Variants in CSMD1 observed in about 807,000 individuals in gnomAD.
CSMD1 encodes the protein CUB and sushi domain-containing protein 1.
In CSMD1, 213 loss-of-function variants were observed where a neutral mutation model predicts 417.5. The observed-to-expected ratio is 0.51, with a 90% CI of 0.46 to 0.57. The LOEUF is 0.57. Ranked by LOEUF, CSMD1 falls within the 20% of genes least tolerant of loss-of-function variation. The pLI, the probability that CSMD1 is intolerant of heterozygous loss-of-function variation, is 0.00. For missense variants in CSMD1, 6,923 were observed against 4,529.7 expected (o/e 1.53, Z -15.17); for synonymous variants, 2,862 against 1,736.8 (o/e 1.65, Z -16.11).
At position 4,766,695 on chromosome 8, in the gene CSMD1, C is replaced by T. The variant is rs115291882; in HGVS notation, c.86-129137G>A. ...TGGTGGCTCCTGAGGGAATGAACTC[C>T]GAACTCAGGCTTCCAAGTAAACAGA... On this transcript the variant is annotated intron_variant, in intron 1 of 69. Coordinates refer to ENST00000635120, the MANE Select transcript of CSMD1 (RefSeq NM_033225.6). Among the ~76,000 whole-genome samples the T allele has an allele frequency of 7.9e-3, 1,204 of 152,282 alleles. 12 individuals are homozygous for T. The highest frequency in any genetic ancestry group is 0.027 in the African/African-American group (1,126 of 41,568).
intron 11 of CSMD1, among the ~76,000 whole-genome samples, chr8:3,474,608 G>A (rs750305079): frequency 9.9e-5 from 15 of 152,084 alleles, no homozygotes; most frequent in Non-Finnish European, 2.1e-4. Flanking sequence ...TGCTTTTTGT[G>A]AGCAGAAATA....
At chr8:4,208,903 T>C (rs551135240) in intron 3 of CSMD1, among the ~76,000 whole-genome samples, 2 of 152,310 alleles carry the variant, frequency 1.3e-5, no homozygotes, top group Admixed American at 6.5e-5. Context: ...TAAATTTCTT[T>C]TTATATATGC....
chr8:3,957,701 G>A (rs1297521492), intron 5 of CSMD1, among the ~76,000 whole-genome samples: 2 of 118,992 alleles, frequency 1.7e-5, no homozygotes, highest in African/African-American at 5.6e-5. Context: ...AAAAAGAAGA[G>A]AAGAGGAAAA....
chr8:3,758,058 G>C (rs910926771), intron 5 of CSMD1, among the ~76,000 whole-genome samples: 2 of 152,096 alleles, frequency 1.3e-5, no homozygotes, highest in African/African-American at 2.4e-5. Flanking sequence ...CTGCCTCCCA[G>C]GTTCAAGTGA....
In CSMD1 at chr8:3,407,984, C is replaced by G. The variant is rs559348370; in HGVS notation, c.1986G>C (p.Gln662His). The G allele has an allele frequency of 9.9e-6, 16 of 1,613,908 alleles. No individual in the cohort carries two copies. Among genetic ancestry groups the G allele is most frequent in the East Asian group, 2.2e-5 (1 of 44,870 alleles). ...GAACTATATGCCCACTGCTGGCCAGCTGGGAAGGCACTTCATTGCCAGAAA... is the reference window on the plus strand; with the variant it reads ...GAACTATATGCCCACTGCTGGCCAGGTGGGAAGGCACTTCATTGCCAGAAA... ...GTFSGNEVPSQLASSGHIVRL... is the reference protein window; with the variant it reads ...GTFSGNEVPSHLASSGHIVRL... Residue 662 changes from glutamine (Q) to histidine (H), a missense_variant, in exon 14 of 70, where the codon CAG (glutamine) becomes CAC (histidine). Transcript: ENST00000635120.
At chr8:4,428,977 G>A (rs1797717285) in intron 2 of CSMD1, among the ~76,000 whole-genome samples, 2 of 152,024 alleles carry the variant, frequency 1.3e-5, no homozygotes, top group African/African-American at 4.8e-5. Context: ...TCCTCCCAAA[G>A]TGCTGGGAAT....
chr8:3,611,971 C>A (rs114616879), intron 8 of CSMD1, among the ~76,000 whole-genome samples: 1 of 152,002 alleles, frequency 6.6e-6, no homozygotes. Flanking sequence ...GTTATAGTAT[C>A]AAATAATATA....
intron 6 of CSMD1, among the ~76,000 whole-genome samples, chr8:3,708,860 G>A (rs1801330757): frequency 6.6e-6 from 1 of 152,140 alleles, no homozygotes; most frequent in Admixed American, 6.5e-5. Context: ...CTACAGAGTT[G>A]TCTAAGTTTG....
chr8:3,964,856 T>C lies in CSMD1; in HGVS notation c.818+33047A>G, dbSNP rs373058167. Reference sequence around the variant, plus strand: ...GTTATTCACTTAGTGGGGTTTCCACTTTTGAAAAAGTGTGATTGCATATTA... The same window carrying C: ...GTTATTCACTTAGTGGGGTTTCCACCTTTGAAAAAGTGTGATTGCATATTA... On this transcript the variant is annotated intron_variant, in intron 5 of 69. Transcript: ENST00000635120. Among the ~76,000 whole-genome samples the C allele has an allele frequency of 5.3e-5, 8 of 152,198 alleles. No homozygotes were observed. In the East Asian group the frequency reaches 1.5e-3, roughly 29 times the overall value.
chr8:3,708,195 G>A (rs192144641), intron 7 of CSMD1, among the ~76,000 whole-genome samples: 3 of 152,306 alleles, frequency 2.0e-5, no homozygotes, highest in African/African-American at 7.2e-5. Flanking sequence ...GATCAGGGCA[G>A]ACGTGACACA....
intron 10 of CSMD1, among the ~76,000 whole-genome samples, chr8:3,557,430 C>T (rs887241363): frequency 2.6e-5 from 4 of 152,126 alleles, no homozygotes; most frequent in Admixed American, 6.5e-5. Flanking sequence ...ACGCTGTGCA[C>T]AAGACTGGAA....
chr8:3,900,450 C>G (rs1225592306), intron 5 of CSMD1, among the ~76,000 whole-genome samples: 3 of 141,598 alleles, frequency 2.1e-5, no homozygotes, highest in African/African-American at 5.4e-5. Flanking sequence ...AGCACAGCTG[C>G]ATAACAGTGC....
At chr8:4,283,878 T>A (rs1431865403) in intron 3 of CSMD1, among the ~76,000 whole-genome samples, 1 of 152,222 alleles carries the variant, frequency 6.6e-6, no homozygotes, top group Non-Finnish European at 1.5e-5. Flanking sequence ...CAGGTCTTTC[T>A]CCATGTCTTA....
intron 3 of CSMD1, among the ~76,000 whole-genome samples, chr8:4,311,379 C>G (rs1440036179): frequency 6.6e-6 from 1 of 152,142 alleles, no homozygotes; most frequent in Non-Finnish European, 1.5e-5. Context: ...GGCCATTATT[C>G]TTGGCAAACT....
At chr8:4,262,243 C>G (rs1394573030) in intron 3 of CSMD1, among the ~76,000 whole-genome samples, 1 of 152,150 alleles carries the variant, frequency 6.6e-6, no homozygotes, top group South Asian at 2.1e-4. Flanking sequence ...GAGTGAAACT[C>G]CGGGGCATGG....
intron 7 of CSMD1, among the ~76,000 whole-genome samples, chr8:3,658,390 T>C (rs1334781994): frequency 6.6e-6 from 1 of 150,898 alleles, no homozygotes; most frequent in Non-Finnish European, 1.5e-5. Flanking sequence ...TTGTAAATCA[T>C]CCCAATCTTA....
chr8:4,583,022 G>A (rs547365926), intron 2 of CSMD1, among the ~76,000 whole-genome samples: 23 of 152,316 alleles, frequency 1.5e-4, no homozygotes, highest in South Asian at 1.4e-3. Context: ...CCAGCCCACC[G>A]GCGCTGTGCT....
chr8:4,248,663 A>G (rs945135255), intron 3 of CSMD1, among the ~76,000 whole-genome samples: 8 of 152,136 alleles, frequency 5.3e-5, no homozygotes, highest in Non-Finnish European at 8.8e-5. Flanking sequence ...ACCACCCACC[A>G]TCAGCCTCCT....
At chr8:4,162,264 G>C (rs1797217896) in intron 3 of CSMD1, among the ~76,000 whole-genome samples, 3 of 152,132 alleles carry the variant, frequency 2.0e-5, no homozygotes, top group Non-Finnish European at 2.9e-5. Flanking sequence ...ATAAAATGTA[G>C]CAGATTTTCC....
Sources: allele counts gnomAD v4.1 joint callset (sites outside exome capture counted in the v4.1 genomes callset), GRCh38; gene constraint gnomAD v4.1.1; transcripts MANE v1.5; gene names NCBI Gene and HGNC (gene_info 2026-07-23, HGNC 2026-07-21).